DGKB: variants seen among roughly 807,000 people sequenced by gnomAD.
DGKB encodes 90 kDa diacylglycerol kinase.
Under a neutral mutation model 114.3 loss-of-function variants are expected in DGKB, and 67 were observed. That is an observed-to-expected ratio of 0.59 (90% CI 0.48 to 0.72). The LOEUF (loss-of-function observed/expected upper bound fraction) is 0.72. Among genes scored for constraint, DGKB ranks in the 30% least tolerant of loss-of-function variants. The probability of loss-of-function intolerance (pLI) is 0.00; values close to 1 mark genes in which losing one functional copy is unlikely to be tolerated. For missense variants in DGKB, 907 were observed against 975.2 expected (o/e 0.93, Z 0.93); for synonymous variants, 398 against 323.1 (o/e 1.23, Z -2.49).
At chr7:14,180,074 C>G (rs968835124) in intron 23 of DGKB, among the ~76,000 whole-genome samples, 2 of 152,176 alleles carry the variant, frequency 1.3e-5, no homozygotes, top group Non-Finnish European at 2.9e-5. Context: ...GTGGCAAGCA[C>G]TGAAGCCCCA....
chr7:14,768,402 A>G (rs1326489830), intron 2 of DGKB, among the ~76,000 whole-genome samples: 4 of 150,542 alleles, frequency 2.7e-5, no homozygotes, highest in African/African-American at 7.5e-5. Flanking sequence ...ACTTCAAAGA[A>G]ACAATACTTA....
At chr7:14,199,431 C>T (rs2128286278) in intron 23 of DGKB, among the ~76,000 whole-genome samples, 1 of 151,972 alleles carries the variant, frequency 6.6e-6, no homozygotes, top group East Asian at 1.9e-4. Flanking sequence ...TTAGGCTGGA[C>T]ACCTCCGGAA....
chr7:14,491,519 G>T (rs981420430), intron 20 of DGKB, among the ~76,000 whole-genome samples: 13 of 152,088 alleles, frequency 8.5e-5, no homozygotes, highest in African/African-American at 3.1e-4. Flanking sequence ...TAATTCACTT[G>T]ATGTTAATTT....
chr7:14,148,830 TA>T lies in DGKB; in HGVS notation c.*300del. ...TTCACGGGTTTTTCTCACAGGTTAG[TA>T]AAAGGAAATTGGGGAAGAGTTGGGT... On this transcript the variant is annotated 3_prime_UTR_variant, in exon 26 of 26. Transcript: ENST00000402815. 2.6e-6 allele frequency: 1 copy of T among 391,502 alleles called. No individual in the cohort carries two copies. The highest frequency in any genetic ancestry group is 4.6e-6 in the Non-Finnish European group (1 of 215,676). 24.3% of individuals were successfully genotyped at this position (391,502 alleles called of 1,614,324 possible). A position where few individuals can be genotyped will look rare whatever the true frequency, so the allele number is the denominator to read the frequency against.
intron 23 of DGKB, among the ~76,000 whole-genome samples, chr7:14,232,363 G>A (rs1460780341): frequency 4.2e-5 from 5 of 118,362 alleles, no homozygotes; most frequent in East Asian, 2.5e-4. Context: ...AAAATCTAGA[G>A]TAAGTTAGTG....
chr7:14,421,470 ATTG>A (rs1826685617), intron 21 of DGKB, among the ~76,000 whole-genome samples: 1 of 152,138 alleles, frequency 6.6e-6, no homozygotes, highest in Non-Finnish European at 1.5e-5. Context: ...TAAATGAGTT[ATTG>A]TTGTCATCCT....
At chr7:14,559,685 A>G (rs1260041120) in intron 20 of DGKB, among the ~76,000 whole-genome samples, 1 of 152,200 alleles carries the variant, frequency 6.6e-6, no homozygotes, top group African/African-American at 2.4e-5. Context: ...TGAAAATAAA[A>G]TATTTAGCAG....
intron 21 of DGKB, among the ~76,000 whole-genome samples, chr7:14,377,649 C>T (rs1818718675): frequency 6.6e-6 from 1 of 152,124 alleles, no homozygotes; most frequent in Non-Finnish European, 1.5e-5. Context: ...CATATTGAAA[C>T]AGTGTATATC....
chr7:14,478,906 A>T (rs1456277267), intron 20 of DGKB, among the ~76,000 whole-genome samples: 1 of 152,102 alleles, frequency 6.6e-6, no homozygotes, highest in African/African-American at 2.4e-5. Context: ...ACCCTAATGG[A>T]TGTTTCTTAC....
At position 14,848,584 on chromosome 7, in the gene DGKB, T is replaced by C. The variant is rs962581464; in HGVS notation, c.-187-7134A>G. Among the ~76,000 whole-genome samples, 3 of 152,214 alleles carry C rather than the reference T, an allele frequency of 2.0e-5. No individual in the cohort carries two copies. In the East Asian group the frequency reaches 5.8e-4, roughly 29 times the overall value. On this transcript the variant is annotated intron_variant, in intron 1 of 25. Coordinates refer to ENST00000402815, the MANE Select transcript of DGKB (RefSeq NM_001350709.2). ...TTTGCCTGATGTGGTGACAAAAAGCTATTCCCCTAAGCTCTGCTTCAAAAT... is the reference window on the plus strand; with the variant it reads ...TTTGCCTGATGTGGTGACAAAAAGCCATTCCCCTAAGCTCTGCTTCAAAAT...
chr7:14,375,844 T>C (rs1818396053), intron 21 of DGKB, among the ~76,000 whole-genome samples: 1 of 152,224 alleles, frequency 6.6e-6, no homozygotes, highest in African/African-American at 2.4e-5. Flanking sequence ...ACCTGAAACA[T>C]GCTTCACACT....
At chr7:14,512,453 A>T (rs533512031) in intron 20 of DGKB, among the ~76,000 whole-genome samples, 3 of 152,224 alleles carry the variant, frequency 2.0e-5, no homozygotes, top group South Asian at 4.1e-4. Context: ...AGATAGCCTT[A>T]CTCTTAAAGT....
chr7:14,440,859 T>G (rs937628931), intron 21 of DGKB, among the ~76,000 whole-genome samples: 1 of 152,182 alleles, frequency 6.6e-6, no homozygotes, highest in Non-Finnish European at 1.5e-5. Context: ...CATTTGCTTT[T>G]GCTACCTGAT....
chr7:14,228,821 C>T (rs1444029481), intron 23 of DGKB, among the ~76,000 whole-genome samples: 1 of 151,794 alleles, frequency 6.6e-6, no homozygotes, highest in African/African-American at 2.4e-5. Flanking sequence ...TGTCTCAAAA[C>T]TCATTAGTTC....
chr7:14,610,192 T>C (rs1805273227), intron 16 of DGKB, among the ~76,000 whole-genome samples: 1 of 152,066 alleles, frequency 6.6e-6, no homozygotes, highest in African/African-American at 2.4e-5. Context: ...ACACAGCCAT[T>C]ACAAAAGAAT....
At chr7:14,268,631 C>G (rs1797860090) in intron 23 of DGKB, among the ~76,000 whole-genome samples, 1 of 152,020 alleles carries the variant, frequency 6.6e-6, no homozygotes, top group Non-Finnish European at 1.5e-5. Flanking sequence ...GATGTAGATT[C>G]TTTGGGGATT....
intron 2 of DGKB, among the ~76,000 whole-genome samples, chr7:14,812,988 C>A (rs558688859): frequency 6.6e-6 from 1 of 152,148 alleles, no homozygotes; most frequent in South Asian, 2.1e-4. Context: ...ATGATCCAAA[C>A]CAAGGAAAAA....
intron 21 of DGKB, among the ~76,000 whole-genome samples, chr7:14,395,333 G>C (rs796569137): frequency 2.6e-5 from 4 of 151,866 alleles, no homozygotes; most frequent in African/African-American, 9.6e-5. Context: ...TCACACATTA[G>C]AAATACTTAA....
chr7:14,641,114 A>C (rs1239156667), intron 13 of DGKB, among the ~76,000 whole-genome samples: 1 of 152,170 alleles, frequency 6.6e-6, no homozygotes, highest in African/African-American at 2.4e-5. Context: ...GTTTAATGAG[A>C]ATAGCAAATT....
Sources: gnomAD v4.1 joint callset for allele counts (sites outside exome capture counted in the v4.1 genomes callset) on GRCh38, gnomAD v4.1.1 for gene constraint, MANE v1.5 for transcripts, NCBI Gene and HGNC (gene_info 2026-07-23, HGNC 2026-07-21) for gene names.